Variants in EPHA6 observed in about 807,000 individuals in gnomAD.
EPHA6 encodes the protein EPH receptor A6.
A neutral mutation model predicts 112.0 loss-of-function variants in EPHA6; 50 were observed. The ratio of observed to expected loss-of-function variants is 0.45; its 90% CI spans 0.36 to 0.56. The LOEUF is 0.56. Ranked by LOEUF, EPHA6 falls within the 20% of genes least tolerant of loss-of-function variation. The pLI is 0.00. For missense variants in EPHA6, 1,280 were observed against 1,417.4 expected, an observed-to-expected ratio of 0.90 and a Z score of 1.56; for synonymous variants, 529 against 490.7, an observed-to-expected ratio of 1.08 and a Z score of -1.03.
At chr3:97,609,232 A>T (rs1478051105) in intron 12 of EPHA6, among the ~76,000 whole-genome samples, 3 of 151,404 alleles carry the variant, frequency 2.0e-5, no homozygotes, top group Admixed American at 6.6e-5. Context: ...ATCCATCATC[A>T]TTCAAAATGG....
chr3:97,544,805 C>A (rs1441345864), intron 11 of EPHA6, among the ~76,000 whole-genome samples: 1 of 152,136 alleles, frequency 6.6e-6, no homozygotes, highest in Non-Finnish European at 1.5e-5. Flanking sequence ...CAACTTCTTC[C>A]TGGTTTAGTC....
At chr3:97,541,735 T>TC (rs1465088670) in intron 11 of EPHA6, among the ~76,000 whole-genome samples, 3 of 148,500 alleles carry the variant, frequency 2.0e-5, no homozygotes, top group Non-Finnish European at 4.4e-5. Context: ...TTGTTTTTTT[T>TC]TTTTTGTTTG....
chr3:97,376,179 T>A (rs745893088), intron 5 of EPHA6, among the ~76,000 whole-genome samples: 1 of 152,162 alleles, frequency 6.6e-6, no homozygotes, highest in Non-Finnish European at 1.5e-5. Context: ...TATACTTCAA[T>A]TAAATTAAAG....
chr3:97,599,810 A>G (rs924558353), intron 12 of EPHA6, among the ~76,000 whole-genome samples: 7 of 152,264 alleles, frequency 4.6e-5, no homozygotes, highest in South Asian at 2.1e-4. Flanking sequence ...GAAGAAAGTC[A>G]TTGGTAGCTT....
chr3:97,214,449 C>G (rs1187665133), intron 3 of EPHA6, among the ~76,000 whole-genome samples: 1 of 148,190 alleles, frequency 6.7e-6, no homozygotes, highest in Non-Finnish European at 1.5e-5. Context: ...CCACTGCACT[C>G]CAGCCTAGGC....
At position 96,831,161 on chromosome 3, in the gene EPHA6, T is replaced by C. The variant is rs141621359; in HGVS notation, c.385+16153T>C. Among the ~76,000 whole-genome samples, 478 of 152,276 alleles carry C rather than the reference T, an allele frequency of 3.1e-3. 4 individuals carry two copies. Among genetic ancestry groups the C allele is most frequent in the African/African-American group, 0.011 (440 of 41,564 alleles). Reference sequence around the variant, plus strand: ...TATTGTCATTTTTACTCTCATTTTATTTATGTATATTATTTTTGTGGGTAT... The same window carrying C: ...TATTGTCATTTTTACTCTCATTTTACTTATGTATATTATTTTTGTGGGTAT... On this transcript the variant is annotated intron_variant, in intron 1 of 17. Transcript: ENST00000389672.
chr3:97,218,485 G>A (rs2078097047), intron 3 of EPHA6, among the ~76,000 whole-genome samples: 1 of 152,116 alleles, frequency 6.6e-6, no homozygotes, highest in Admixed American at 6.5e-5. Flanking sequence ...ACAGGAGGAA[G>A]GAGAAGTACC....
At chr3:97,187,842 G>A (rs551065962) in intron 3 of EPHA6, among the ~76,000 whole-genome samples, 1 of 152,022 alleles carries the variant, frequency 6.6e-6, no homozygotes, top group Non-Finnish European at 1.5e-5. Flanking sequence ...GAGTACAGAG[G>A]GGGAGGTGCA....
chr3:97,075,768 A>T lies in EPHA6; in HGVS notation c.1114+87775A>T, dbSNP rs556983607. On this transcript the variant is annotated intron_variant, in intron 3 of 17. Transcript: ENST00000389672. Reference sequence around the variant, plus strand: ...TTGCATAGAGCCAGTGCGTTGGCTCAATTTTTCAATAGAATGTATTTACTT... The same window carrying T: ...TTGCATAGAGCCAGTGCGTTGGCTCTATTTTTCAATAGAATGTATTTACTT... Among the ~76,000 whole-genome samples, 4 of 151,980 alleles carry T rather than the reference A, an allele frequency of 2.6e-5. No homozygotes were observed. The South Asian group carries it at 6.2e-4, about 24-fold the overall frequency.
At chr3:97,293,201 T>C (rs1179013482) in intron 5 of EPHA6, among the ~76,000 whole-genome samples, 2 of 151,976 alleles carry the variant, frequency 1.3e-5, no homozygotes, top group Non-Finnish European at 2.9e-5. Flanking sequence ...AGACCCGTGA[T>C]AGGTAGCTCC....
At chr3:97,607,788 T>G (rs2093690584) in intron 12 of EPHA6, among the ~76,000 whole-genome samples, 1 of 151,154 alleles carries the variant, frequency 6.6e-6, no homozygotes, top group South Asian at 2.1e-4. Context: ...AGGTGTAACA[T>G]TTTGAAAATT....
In EPHA6 at chr3:96,941,332, G is replaced by A. The variant is rs201612400; in HGVS notation, c.451-45998G>A. 7.3e-3 allele frequency among the ~76,000 whole-genome samples: 1,108 copies of A among 151,844 alleles called. 20 individuals are homozygous for A. Among genetic ancestry groups the A allele is most frequent in the African/African-American group, 0.025 (1,023 of 41,412 alleles). On this transcript the variant is annotated intron_variant, in intron 2 of 17. Coordinates refer to ENST00000389672, the MANE Select transcript of EPHA6 (RefSeq NM_001080448.3). The stretch of plus-strand genomic sequence containing the variant: ...CTTTTTTCTCTAAACTTCCCTTCTC[G>A]CTTCATTTCATTCATTTCATCTTCT...
intron 2 of EPHA6, among the ~76,000 whole-genome samples, chr3:96,960,806 G>A (rs986019005): frequency 6.6e-6 from 1 of 152,144 alleles, no homozygotes; most frequent in Non-Finnish European, 1.5e-5. Context: ...CAAGAAGCAT[G>A]CTTATAGTAT....
At chr3:96,931,190 A>G (rs2040308759) in intron 2 of EPHA6, among the ~76,000 whole-genome samples, 1 of 152,034 alleles carries the variant, frequency 6.6e-6, no homozygotes, top group Non-Finnish European at 1.5e-5. Context: ...TTAGATGGAA[A>G]TTAGAGCTCT....
chr3:97,078,181 A>G (rs896848431), intron 3 of EPHA6, among the ~76,000 whole-genome samples: 1 of 152,212 alleles, frequency 6.6e-6, no homozygotes, highest in African/African-American at 2.4e-5. Context: ...TGTTGGCTGC[A>G]TAAATGTCTT....
chr3:97,081,177 G>A (rs1357009750), intron 3 of EPHA6, among the ~76,000 whole-genome samples: 1 of 151,774 alleles, frequency 6.6e-6, no homozygotes, highest in Non-Finnish European at 1.5e-5. Context: ...AGTTTAAACA[G>A]ATAAGAATGC....
intron 1 of EPHA6, among the ~76,000 whole-genome samples, chr3:96,835,654 A>G (rs548241100): frequency 4.5e-4 from 68 of 152,208 alleles, no homozygotes; most frequent in Non-Finnish European, 7.2e-4. Context: ...CAAGAAGCCA[A>G]AAGTTCTTGA....
At chr3:97,255,246 AGAG>A (rs2079272999) in intron 5 of EPHA6, among the ~76,000 whole-genome samples, 1 of 152,070 alleles carries the variant, frequency 6.6e-6, no homozygotes, top group Non-Finnish European at 1.5e-5. Flanking sequence ...GTTAGGTTCC[AGAG>A]GAGAAGACTC....
chr3:97,240,379 C>G (rs187361186), intron 4 of EPHA6, among the ~76,000 whole-genome samples: 1 of 151,782 alleles, frequency 6.6e-6, no homozygotes, highest in African/African-American at 2.4e-5. Flanking sequence ...ACATTCTTGG[C>G]AGTCATTAAA....
Sources: allele counts gnomAD v4.1 joint callset (sites outside exome capture counted in the v4.1 genomes callset), GRCh38; gene constraint gnomAD v4.1.1; transcripts MANE v1.5; gene names NCBI Gene and HGNC (gene_info 2026-07-23, HGNC 2026-07-21).